PRKAR1B: variants seen among roughly 807,000 people sequenced by gnomAD.
PRKAR1B encodes protein kinase cAMP-dependent type I regulatory subunit beta, also known as cAMP-dependent protein kinase type I-beta regulatory subunit.
Under a neutral mutation model 46.5 loss-of-function variants are expected in PRKAR1B, and 22 were observed. The observed-to-expected ratio is 0.47, with a 90% CI of 0.34 to 0.68. The LOEUF (loss-of-function observed/expected upper bound fraction) is 0.68, where lower values mean the gene tolerates loss of function less well. Among genes scored for constraint, PRKAR1B ranks in the 30% least tolerant of loss-of-function variants. The pLI, the probability that PRKAR1B is intolerant of heterozygous loss-of-function variation, is 0.01. For synonymous variants in PRKAR1B, 259 were observed against 217.7 expected, an observed-to-expected ratio of 1.19 and a Z score of -1.67; for missense variants, 445 against 535.6, an observed-to-expected ratio of 0.83 and a Z score of 1.67.
rs1305864275 is a variant in PRKAR1B at position 556,132 on chromosome 7, C to T, written c.892-4662G>A. Among the ~76,000 whole-genome samples, 4 of 152,180 alleles carry T rather than the reference C, an allele frequency of 2.6e-5. 1 individual carries two copies. The highest frequency in any genetic ancestry group is 2.0e-4 in the Admixed American group (3 of 15,282). On this transcript the variant is annotated intron_variant, in intron 9 of 10. Coordinates refer to ENST00000537384, the MANE Select transcript of PRKAR1B (RefSeq NM_001164760.2). Reference sequence around the variant, plus strand: ...CAAGCTCCCAGGCACCCCCAGGCCACCCTGCACCCCTGAAGCCTTTGTGAG... The same window carrying T: ...CAAGCTCCCAGGCACCCCCAGGCCATCCTGCACCCCTGAAGCCTTTGTGAG...
chr7:583,605 C>A (rs1486402365), intron 8 of PRKAR1B, among the ~76,000 whole-genome samples: 1 of 64,658 alleles, frequency 1.5e-5, no homozygotes, highest in Non-Finnish European at 3.0e-5. Flanking sequence ...TGCACACACA[C>A]CCCCTCACAC....
rs934622014 is a variant in PRKAR1B, at chr7:610,570, C to T, written c.441-3118G>A. On this transcript the variant is annotated intron_variant, in intron 4 of 10. Transcript: ENST00000537384. ...TTTCTTCAGAGGAAATGTTAATGCC[C>T]GAATGTCACCAGCTCATCGCCGACA... Among the ~76,000 whole-genome samples, 37 of 152,106 alleles carry T rather than the reference C, an allele frequency of 2.4e-4. 1 individual carries two copies. The highest frequency in any genetic ancestry group is 4.9e-4 in the Non-Finnish European group (33 of 68,024).
rs113430568 is a variant in PRKAR1B at position 630,031 on chromosome 7, G to A, written c.441-22579C>T. ...CCTCCCAGGGCGCCACCACCCCAGG[G>A]CTGGAAAACGCTGCAGGAGCGGGAC... On this transcript the variant is annotated intron_variant, in intron 4 of 10. Transcript: ENST00000537384. Among the ~76,000 whole-genome samples, 157 of 136,490 alleles carry A rather than the reference G, an allele frequency of 1.2e-3. 2 individuals carry two copies. Among genetic ancestry groups the A allele is most frequent in the Middle Eastern group, 9.0e-3 (2 of 222 alleles). 89.5% of individuals were successfully genotyped at this position (136,490 alleles called of 152,430 possible).
intron 10 of PRKAR1B, 81 bp downstream of exon 10, chr7:551,308 C>G: frequency 7.3e-7 from 1 of 1,361,742 alleles, no homozygotes; most frequent in Non-Finnish European, 1.0e-6. Flanking sequence ...CCCCCAGCAG[C>G]TCCTCACCTC....
At chr7:710,667 A>C (rs1780574837) in intron 2 of PRKAR1B, among the ~76,000 whole-genome samples, 1 of 128,654 alleles carries the variant, frequency 7.8e-6, no homozygotes, top group African/African-American at 3.1e-5. Context: ...TTTTTTTGAG[A>C]CGGAGTCTCG....
intron 9 of PRKAR1B, among the ~76,000 whole-genome samples, chr7:567,882 G>A (rs1025149229): frequency 6.6e-6 from 1 of 152,152 alleles, no homozygotes; most frequent in Non-Finnish European, 1.5e-5. Flanking sequence ...CTGGGAGAGG[G>A]GGGTGGGGAG....
At chr7:557,751 CCA>C (rs1778536211) in intron 9 of PRKAR1B, among the ~76,000 whole-genome samples, 2 of 152,234 alleles carry the variant, frequency 1.3e-5, no homozygotes, top group Admixed American at 6.5e-5. Flanking sequence ...CTGTCCAACT[CCA>C]CTTCCCAGAC....
intron 9 of PRKAR1B, 59 bp from the exon 10 acceptor site, chr7:551,529 C>T (rs960118951): frequency 2.7e-5 from 40 of 1,503,300 alleles, no homozygotes; most frequent in Middle Eastern, 2.2e-4. Context: ...GTGGGACACA[C>T]GTGAGGGGTC....
chr7:564,055 C>T (rs935418880), intron 9 of PRKAR1B, among the ~76,000 whole-genome samples: 6 of 152,106 alleles, frequency 3.9e-5, no homozygotes, highest in Non-Finnish European at 5.9e-5. Flanking sequence ...CCCCACTTCC[C>T]GTTCTGATCC....
intron 4 of PRKAR1B, among the ~76,000 whole-genome samples, chr7:625,635 G>A (rs1394282202): frequency 1.3e-5 from 2 of 152,158 alleles, no homozygotes; most frequent in African/African-American, 4.8e-5. Context: ...CCATGGACAA[G>A]GGGCATCACT....
intron 1 of PRKAR1B, among the ~76,000 whole-genome samples, chr7:722,651 C>G (rs1249075705): frequency 6.6e-6 from 1 of 152,278 alleles, no homozygotes; most frequent in Non-Finnish European, 1.5e-5. Flanking sequence ...GGATGACAGG[C>G]GTGAGCCACC....
intron 1 of PRKAR1B, chr7:726,622 C>T (rs1381130982): frequency 1.0e-6 from 1 of 980,124 alleles, no homozygotes; most frequent in African/African-American, 1.7e-5. Context: ...AGGAAGTAGC[C>T]CGGCGCCCCG....
chr7:695,964 C>CTTT (rs766921714), intron 2 of PRKAR1B, among the ~76,000 whole-genome samples: 13 of 102,142 alleles, frequency 1.3e-4, no homozygotes, highest in East Asian at 2.8e-4. Flanking sequence ...GCGCCCAACC[C>CTTT]TTTTTTTTTT....
At chr7:554,101 C>A (rs1187402594) in intron 9 of PRKAR1B, among the ~76,000 whole-genome samples, 1 of 152,270 alleles carries the variant, frequency 6.6e-6, no homozygotes, top group African/African-American at 2.4e-5. Context: ...TCAGGCCAGA[C>A]CCGGGCACAG....
upstream of PRKAR1B, among the ~76,000 whole-genome samples, chr7:728,934 C>T (rs1479448611): frequency 6.6e-6 from 1 of 152,090 alleles, no homozygotes; most frequent in Non-Finnish European, 1.5e-5. Context: ...CCAGACGGGC[C>T]CCAAGTAGTG....
intron 7 of PRKAR1B, 66 bp from the exon 8 acceptor site, chr7:584,634 T>C: frequency 5.1e-6 from 7 of 1,375,458 alleles, no homozygotes; most frequent in Non-Finnish European, 7.2e-6. Context: ...TCCTGACGTT[T>C]CCAGATTTCC....
In PRKAR1B at chr7:677,278, C is replaced by A; in HGVS notation, c.391G>T (p.Ala131Ser). Residue 131 changes from alanine to serine, a missense_variant, in exon 4 of 11, where the codon GCC becomes TCC. By Grantham distance (99) the Ala-to-Ser change is moderately conservative. Coordinates refer to ENST00000537384, the MANE Select transcript of PRKAR1B (RefSeq NM_001164760.2). Reference sequence around the variant, plus strand: ...GCGAAGAGCACGTTCTTGGAGATGGCCTTGGCCAGCGCAGTCATGGTTTTG... The same window carrying A: ...GCGAAGAGCACGTTCTTGGAGATGGACTTGGCCAGCGCAGTCATGGTTTTG... ...DYKTMTALAK[A>S]ISKNVLFAHL... The A allele has an allele frequency of 3.7e-6, 6 of 1,614,264 alleles. No individual in the cohort carries two copies. The highest frequency in any genetic ancestry group is 5.1e-6 in the Non-Finnish European group (6 of 1,180,050).
At chr7:701,340 GAAAAAGAA>G (rs1272980279) in intron 2 of PRKAR1B, among the ~76,000 whole-genome samples, 2 of 151,464 alleles carry the variant, frequency 1.3e-5, no homozygotes, top group Non-Finnish European at 2.9e-5. Flanking sequence ...GAAAAGAAAA[GAAAAAGAA>G]AGAAAGAAAG....
In PRKAR1B at chr7:549,455, C is replaced by G. The variant is rs1784040786; in HGVS notation, c.*975G>C. 6.6e-6 allele frequency: 1 copy of G among 152,386 alleles called. No homozygotes were observed. Among genetic ancestry groups the G allele is most frequent in the African/African-American group, 2.4e-5 (1 of 41,470 alleles). 9.4% of individuals were successfully genotyped at this position (152,386 alleles called of 1,614,324 possible). ...GGTGAACTGCAATGACCTCGCTTGT[C>G]TTTCGGGGGAACCCAGGAATCCCCT... On this transcript the variant is annotated 3_prime_UTR_variant, in exon 11 of 11. Transcript: ENST00000537384.
Sources: gnomAD v4.1 joint callset for allele counts (sites outside exome capture counted in the v4.1 genomes callset) on GRCh38, gnomAD v4.1.1 for gene constraint, MANE v1.5 for transcripts, NCBI Gene and HGNC (gene_info 2026-07-23, HGNC 2026-07-21) for gene names.